The following ZBTB25 variants were observed in gnomAD, a reference collection of about 807,000 sequenced individuals.
ZBTB25 encodes the protein zinc finger and BTB domain-containing protein 25.
In ZBTB25, 20 loss-of-function variants were observed where a neutral mutation model predicts 34.2. That is an observed-to-expected ratio of 0.58 (90% CI 0.41 to 0.85). The LOEUF (loss-of-function observed/expected upper bound fraction) is 0.85. Among genes scored for constraint, ZBTB25 ranks in the 40% least tolerant of loss-of-function variants. The probability of loss-of-function intolerance (pLI) is 0.00; values close to 1 mark genes in which losing one functional copy is unlikely to be tolerated. For missense variants in ZBTB25, 437 were observed against 521.8 expected, an observed-to-expected ratio of 0.84 and a Z score of 1.58; for synonymous variants, 175 against 186.4, an observed-to-expected ratio of 0.94 and a Z score of 0.50.
intron 2 of ZBTB25, chr14:64,454,704 T>C (rs1250733780): frequency 6.2e-7 from 1 of 1,608,380 alleles, no homozygotes; most frequent in Non-Finnish European, 8.5e-7. Context: ...GTCCTCCCTC[T>C]CTTCCCTTCT....
chr14:64,470,759 T>TA (rs2078662042), intron 2 of ZBTB25: 1 of 166,932 alleles, frequency 6.0e-6, no homozygotes, highest in African/African-American at 2.4e-5. Context: ...TGTGAAAAGT[T>TA]AAAAAATGAA....
At chr14:64,464,003 A>G (rs1343858613) in intron 2 of ZBTB25, among the ~76,000 whole-genome samples, 1 of 152,098 alleles carries the variant, frequency 6.6e-6, no homozygotes, top group African/African-American at 2.4e-5. Context: ...CCATTTCGAT[A>G]GACGTGTTTG....
At position 64,481,622 on chromosome 14, in the gene ZBTB25, T is replaced by C. The variant is rs997114912; in HGVS notation, c.*5301A>G. On this transcript the variant is annotated 3_prime_UTR_variant, in exon 3 of 3. Coordinates refer to ENST00000608382, the MANE Select transcript of ZBTB25 (RefSeq NM_006977.5). ...GTTAATGTCAATTGCACCAGACCAA[T>C]ACTTAACTAATTAATCAAGTGCAGT... The C allele has an allele frequency of 2.0e-5, 3 of 152,224 alleles. No homozygotes were observed. Among genetic ancestry groups the C allele is most frequent in the African/African-American group, 7.2e-5 (3 of 41,458 alleles). 9.4% of individuals were successfully genotyped at this position (152,224 alleles called of 1,614,324 possible).
At chr14:64,496,477 C>T (rs530752778) in intron 1 of ZBTB25, among the ~76,000 whole-genome samples, 18 of 152,018 alleles carry the variant, frequency 1.2e-4, no homozygotes, top group Middle Eastern at 3.4e-3. Flanking sequence ...GGCTACAGAG[C>T]GAGACTCCAT....
chr14:64,485,176 T>C lies in ZBTB25; in HGVS notation c.*1747A>G. On this transcript the variant is annotated 3_prime_UTR_variant, in exon 3 of 3. Transcript: ENST00000608382. ...TTACCTAGAGAAAACCTTTGTGTCC[T>C]TAGAATTAGCTGGATTACTCTTTGA... The C allele has an allele frequency of 1.0e-6, 1 of 985,440 alleles. No homozygotes were observed. The highest frequency in any genetic ancestry group is 1.2e-6 in the Non-Finnish European group (1 of 829,934). 61.0% of individuals were successfully genotyped at this position (985,440 alleles called of 1,614,324 possible).
rs1017537174 is a variant in ZBTB25, at chr14:64,483,605, C to G, written c.*3318G>C. ...CTGGAAGAACTTTTAAAATACAAAG[C>G]AAATTTTCTCAGTGAGCAATCATGT... On this transcript the variant is annotated 3_prime_UTR_variant, in exon 3 of 3. Coordinates refer to ENST00000608382, the MANE Select transcript of ZBTB25 (RefSeq NM_006977.5). 1 of 152,104 alleles carries G rather than the reference C, an allele frequency of 6.6e-6. No individual in the cohort carries two copies. The highest frequency in any genetic ancestry group is 1.9e-4 in the East Asian group (1 of 5,184). The allele number at this position is 152,104 out of a possible 1,614,324, so 9.4% of individuals were successfully genotyped here.
intron 2 of ZBTB25, chr14:64,469,711 G>A (rs775939443): frequency 1.4e-6 from 2 of 1,427,830 alleles, no homozygotes; most frequent in East Asian, 2.4e-5. Context: ...GAAAAAACAA[G>A]CTTAATGAAG....
At position 64,456,460 on chromosome 14, in the gene ZBTB25, A is replaced by AT. The variant is rs1052965044; in HGVS notation, c.174-6823dup. Among the ~76,000 whole-genome samples, 99 of 151,950 alleles carry AT rather than the reference A, an allele frequency of 6.5e-4. 1 individual carries two copies. Among genetic ancestry groups the AT allele is most frequent in the African/African-American group, 2.4e-4 (10 of 41,450 alleles). On this transcript the variant is annotated intron_variant, in intron 2 of 2. Transcript: ENST00000555220. ...TACACATAATATTGTCTTTTTTTGT[A>AT]TTTTTTCTGATTATCAGTGACCAGT...
intron 1 of ZBTB25, among the ~76,000 whole-genome samples, chr14:64,501,641 T>C (rs2079500711): frequency 6.6e-6 from 1 of 152,210 alleles, no homozygotes; most frequent in Non-Finnish European, 1.5e-5. Context: ...CTGTTATTGC[T>C]AAAATGGACA....
chr14:64,462,514 G>A (rs1477722175), intron 2 of ZBTB25: 1 of 152,202 alleles, frequency 6.6e-6, no homozygotes, highest in Non-Finnish European at 1.5e-5. Context: ...TTGGTGCTAA[G>A]AGTCCCTCCA....
upstream of ZBTB25, chr14:64,504,698 G>A (rs945746755): frequency 1.2e-4 from 45 of 366,648 alleles, no homozygotes; most frequent in Admixed American, 3.7e-4. Flanking sequence ...GGGCAGACCC[G>A]GAGTCGCCGC....
rs1234313076 is a variant in ZBTB25 at position 64,485,717 on chromosome 14, A to G, written c.*1206T>C. The G allele has an allele frequency of 4.1e-6, 4 of 985,280 alleles. No homozygotes were observed. In the African/African-American group the frequency reaches 7.0e-5, roughly 17 times the overall value. 61.0% of individuals were successfully genotyped at this position (985,280 alleles called of 1,614,324 possible). On this transcript the variant is annotated 3_prime_UTR_variant, in exon 3 of 3. Transcript: ENST00000608382. Reference sequence around the variant, plus strand: ...AATTACTTTTTCAGTGATTTTTAGAAAATTAAAATCAACCCAGGAAGCCCC... The same window carrying G: ...AATTACTTTTTCAGTGATTTTTAGAGAATTAAAATCAACCCAGGAAGCCCC...
At chr14:64,475,670 A>C (rs1183515486), downstream of ZBTB25, among the ~76,000 whole-genome samples, 1 of 152,168 alleles carries the variant, frequency 6.6e-6, no homozygotes, top group Non-Finnish European at 1.5e-5. Flanking sequence ...GAAAGAGAGT[A>C]TGCGTGTCTG....
At chr14:64,453,900 A>G in intron 2 of ZBTB25, 1 of 1,302,280 alleles carries the variant, frequency 7.7e-7, no homozygotes. Context: ...ACTCTTTGCA[A>G]AGCAGGACTT....
intron 2 of ZBTB25, chr14:64,460,202 T>C (rs1167511024): frequency 1.4e-5 from 5 of 361,794 alleles, no homozygotes; most frequent in South Asian, 7.2e-5. Flanking sequence ...TCAGGGGACC[T>C]CCTGAGAGGG....
At position 64,487,127 on chromosome 14, in the gene ZBTB25, C is replaced by A; in HGVS notation, c.1104G>T (p.Met368Ile). Residue 368 changes from methionine (M) to isoleucine (I), a missense_variant, in exon 3 of 3, where the codon ATG becomes ATT. Met to Ile is a conservative substitution (Grantham distance 10). Coordinates refer to ENST00000608382, the MANE Select transcript of ZBTB25 (RefSeq NM_006977.5). The stretch of plus-strand genomic sequence containing the variant: ...TGTAAGATTTACCTTTGTGTGTATA[C>A]ATGTGTTCCAACAATTGGCTCTTTC... ...FPRKSQLLEHMYTHKGKSYRY... is the reference protein window; with the variant it reads ...FPRKSQLLEHIYTHKGKSYRY... 1 of 1,614,200 alleles carries A rather than the reference C, an allele frequency of 6.2e-7. No homozygotes were observed. The highest frequency in any genetic ancestry group is 8.5e-7 in the Non-Finnish European group (1 of 1,180,032).
At chr14:64,500,644 A>T (rs982917780) in intron 1 of ZBTB25, among the ~76,000 whole-genome samples, 1 of 152,014 alleles carries the variant, frequency 6.6e-6, no homozygotes, top group African/African-American at 2.4e-5. Context: ...AAAATACAAA[A>T]ATTAGTTGGG....
intron 1 of ZBTB25, among the ~76,000 whole-genome samples, chr14:64,494,152 C>T (rs867927192): frequency 1.2e-4 from 18 of 152,248 alleles, no homozygotes; most frequent in African/African-American, 3.1e-4. Context: ...AAGAAAACAT[C>T]GTCATTGAGG....
At chr14:64,459,397 C>T (rs1426691589) in intron 2 of ZBTB25, among the ~76,000 whole-genome samples, 4 of 152,108 alleles carry the variant, frequency 2.6e-5, no homozygotes, top group Non-Finnish European at 4.4e-5. Context: ...ACAAGGATAT[C>T]AAAGGGTCAT....
Sources: gnomAD v4.1 joint callset for allele counts (sites outside exome capture counted in the v4.1 genomes callset) on GRCh38, gnomAD v4.1.1 for gene constraint, MANE v1.5 for transcripts, NCBI Gene and HGNC (gene_info 2026-07-23, HGNC 2026-07-21) for gene names.